KLHL1: variants seen among roughly 807,000 people sequenced by gnomAD.
KLHL1 encodes the protein kelch like family member 1.
Under a neutral mutation model 77.7 loss-of-function variants are expected in KLHL1, and 47 were observed. That is an observed-to-expected ratio of 0.60 (90% confidence interval 0.48 to 0.77). KLHL1 has a LOEUF of 0.77. KLHL1 is among the 30% of genes least tolerant of loss of function. The pLI is 0.00. For synonymous variants in KLHL1, 360 were observed against 325.2 expected (o/e 1.11, Z -1.15); for missense variants, 925 against 910.8 (o/e 1.02, Z -0.20).
At chr13:70,100,877 T>C (rs1310553649) in intron 1 of KLHL1, among the ~76,000 whole-genome samples, 3 of 152,226 alleles carry the variant, frequency 2.0e-5, no homozygotes, top group Non-Finnish European at 4.4e-5. Flanking sequence ...TAATGTGATG[T>C]ATTGGTCATG....
intron 7 of KLHL1, among the ~76,000 whole-genome samples, chr13:69,757,050 T>G (rs1284274906): frequency 6.6e-6 from 1 of 152,180 alleles, no homozygotes; most frequent in Non-Finnish European, 1.5e-5. Context: ...TGGTCAGCAT[T>G]TTTTATAAAC....
chr13:69,742,702 T>C (rs1874035893), intron 7 of KLHL1, among the ~76,000 whole-genome samples: 1 of 152,184 alleles, frequency 6.6e-6, no homozygotes, highest in Non-Finnish European at 1.5e-5. Context: ...CAAATAGCAT[T>C]AAAAATGTTC....
At chr13:69,914,951 T>G (rs972654824) in intron 4 of KLHL1, among the ~76,000 whole-genome samples, 4 of 152,168 alleles carry the variant, frequency 2.6e-5, no homozygotes, top group Non-Finnish European at 5.9e-5. Context: ...AATACACATG[T>G]AAACAACACT....
intron 1 of KLHL1, among the ~76,000 whole-genome samples, chr13:70,105,177 G>T (rs567167270): frequency 1.3e-5 from 2 of 151,994 alleles, no homozygotes; most frequent in Non-Finnish European, 2.9e-5. Context: ...GTTGGTAGAT[G>T]GGTTAATTTA....
intron 1 of KLHL1, among the ~76,000 whole-genome samples, chr13:70,024,622 C>CTCTCTCTCTCTCTCTT (rs1458518366): frequency 2.6e-5 from 1 of 38,134 alleles, no homozygotes; most frequent in South Asian, 8.1e-4. Context: ...GAAAAGATTT[C>CTCTCTCTCTCTCTCTT]TCTCTCTCTC....
intron 4 of KLHL1, among the ~76,000 whole-genome samples, chr13:69,925,553 T>C (rs768506008): frequency 4.6e-5 from 7 of 152,146 alleles, no homozygotes; most frequent in Non-Finnish European, 8.8e-5. Context: ...TTGACACTGT[T>C]GAAGGATTAT....
intron 1 of KLHL1, among the ~76,000 whole-genome samples, chr13:70,028,797 C>T (rs2325264): frequency 0.85 from 129,202 of 151,604 alleles, 55,599 homozygotes; most frequent in East Asian, 0.92. Context: ...CGCAATGTGG[C>T]GAAACTTCAT....
intron 7 of KLHL1, among the ~76,000 whole-genome samples, chr13:69,789,992 C>T (rs1876790526): frequency 6.6e-6 from 1 of 151,478 alleles, no homozygotes; most frequent in Non-Finnish European, 1.5e-5. Flanking sequence ...TCTTTGTCCT[C>T]ACCAGGCGTT....
At chr13:70,085,013 A>T (rs1286760291) in intron 1 of KLHL1, among the ~76,000 whole-genome samples, 1 of 152,168 alleles carries the variant, frequency 6.6e-6, no homozygotes, top group Non-Finnish European at 1.5e-5. Context: ...AAATCATACC[A>T]TCCATTGATG....
At position 69,708,458 on chromosome 13, in the gene KLHL1, G is replaced by A. The variant is rs370526691; in HGVS notation, c.2016-662C>T. 3.9e-5 allele frequency among the ~76,000 whole-genome samples: 6 copies of A among 152,010 alleles called. No individual in the cohort carries two copies. In the South Asian group the frequency reaches 6.2e-4, roughly 16 times the overall value. ...TTCCCTGGGTAGGAAGGTACTTTCA[G>A]TTTATTCAATAGAAAAATAGCCTTT... On this transcript the variant is annotated intron_variant, in intron 9 of 10. Coordinates refer to ENST00000377844, the MANE Select transcript of KLHL1 (RefSeq NM_020866.3).
intron 3 of KLHL1, among the ~76,000 whole-genome samples, chr13:69,954,895 A>C (rs1883820741): frequency 6.6e-6 from 1 of 151,062 alleles, no homozygotes. Flanking sequence ...TAATTGTGAT[A>C]TAAAAATTAT....
chr13:69,732,102 A>C (rs1873574418), intron 8 of KLHL1, among the ~76,000 whole-genome samples: 1 of 152,140 alleles, frequency 6.6e-6, no homozygotes, highest in African/African-American at 2.4e-5. Flanking sequence ...AGAAAAGTTA[A>C]AATGCAAAAA....
At position 69,780,721 on chromosome 13, in the gene KLHL1, T is replaced by C. The variant is rs796827545; in HGVS notation, c.1639+16017A>G. Reference sequence around the variant, plus strand: ...ATATATGTATATATATATATGTATATATATATATATACATATATATATACA... The same window carrying C: ...ATATATGTATATATATATATGTATACATATATATATACATATATATATACA... On this transcript the variant is annotated intron_variant, in intron 7 of 10. Coordinates refer to ENST00000377844, the MANE Select transcript of KLHL1 (RefSeq NM_020866.3). 8.1e-4 allele frequency among the ~76,000 whole-genome samples: 51 copies of C among 62,860 alleles called. 1 individual carries two copies. Among genetic ancestry groups the C allele is most frequent in the African/African-American group, 3.2e-3 (46 of 14,552 alleles). 41.2% of individuals were successfully genotyped at this position (62,860 alleles called of 152,430 possible).
chr13:69,933,095 G>A (rs9564633), intron 4 of KLHL1, among the ~76,000 whole-genome samples: 62,892 of 151,600 alleles, frequency 0.41, 13,521 homozygotes, highest in Non-Finnish European at 0.48. Flanking sequence ...TCCCTTAAAC[G>A]TTCATTATAC....
At chr13:69,986,401 T>C (rs1388547783) in intron 1 of KLHL1, among the ~76,000 whole-genome samples, 2 of 152,040 alleles carry the variant, frequency 1.3e-5, no homozygotes, top group Non-Finnish European at 2.9e-5. Context: ...TATTTTATCA[T>C]TGCACGTTGT....
At chr13:69,760,053 T>G (rs1185054578) in intron 7 of KLHL1, among the ~76,000 whole-genome samples, 1 of 152,190 alleles carries the variant, frequency 6.6e-6, no homozygotes, top group African/African-American at 2.4e-5. Flanking sequence ...TACAAAAGGT[T>G]TTTAAATAGT....
chr13:69,773,180 A>G (rs1339552214), intron 7 of KLHL1, among the ~76,000 whole-genome samples: 1 of 152,064 alleles, frequency 6.6e-6, no homozygotes, highest in Non-Finnish European at 1.5e-5. Context: ...ATTTTTCTTA[A>G]ACTAAAAAGG....
At position 70,024,620 on chromosome 13, in the gene KLHL1, T is replaced by TTCTCTCTC. The variant is rs5804459; in HGVS notation, c.498-48826_498-48819dup. Among the ~76,000 whole-genome samples the TTCTCTCTC allele has an allele frequency of 3.5e-3, 462 of 130,380 alleles. 4 individuals are homozygous for TTCTCTCTC. The highest frequency in any genetic ancestry group is 7.0e-3 in the African/African-American group (265 of 38,120). The allele number at this position is 130,380 out of a possible 152,430, so 85.5% of individuals were successfully genotyped here. A position where few individuals can be genotyped will look rare whatever the true frequency, so the allele number is the denominator to read the frequency against. On this transcript the variant is annotated intron_variant, in intron 1 of 10. Coordinates refer to ENST00000377844, the MANE Select transcript of KLHL1 (RefSeq NM_020866.3). ...CTGGTTAGGGGTGAGGAGAAAAGAT[T>TTCTCTCTC]TCTCTCTCTCTCTCTCTCTCTCTCT...
intron 1 of KLHL1, among the ~76,000 whole-genome samples, chr13:70,004,861 T>C (rs1285748792): frequency 2.6e-5 from 4 of 151,450 alleles, no homozygotes; most frequent in Non-Finnish European, 4.4e-5. Context: ...CCTTTGAAAA[T>C]TATATTTATA....
Sources: gnomAD v4.1 joint callset for allele counts (sites outside exome capture counted in the v4.1 genomes callset) on GRCh38, gnomAD v4.1.1 for gene constraint, MANE v1.5 for transcripts, NCBI Gene and HGNC (gene_info 2026-07-23, HGNC 2026-07-21) for gene names.